Variants in USP9X observed in about 807,000 individuals in gnomAD.
The protein encoded by USP9X is ubiquitin carboxyl-terminal hydrolase 9X.
In USP9X, 7 loss-of-function variants were observed where a neutral mutation model predicts 190.3. That is an observed-to-expected ratio of 0.04 (90% CI 0.02 to 0.07). The LOEUF is 0.07. Among genes scored for constraint, USP9X ranks in the 10% least tolerant of loss-of-function variants. The pLI is 1.00. For missense variants in USP9X, 1,010 were observed against 1,916.9 expected (o/e 0.53, Z 8.83); for synonymous variants, 645 against 659.5 (o/e 0.98, Z 0.34).
In USP9X at chrX:41,234,328, G is replaced by A. The variant is rs2063385789; in HGVS notation, c.*1804G>A. 9.0e-6 allele frequency: 1 copy of A among 111,710 alleles called. No homozygotes were observed. The highest frequency in any genetic ancestry group is 1.9e-5 in the Non-Finnish European group (1 of 53,135). 9.2% of individuals were successfully genotyped at this position (111,710 alleles called of 1,213,427 possible). On this transcript the variant is annotated 3_prime_UTR_variant, in exon 45 of 45. Coordinates refer to ENST00000378308, the MANE Select transcript of USP9X (RefSeq NM_001039591.3). Reference sequence around the variant, plus strand: ...AATTCAGTTAATAGGGAAATGTTTTGTCAAAAGGCTACACTTGGAACTGAA... The same window carrying A: ...AATTCAGTTAATAGGGAAATGTTTTATCAAAAGGCTACACTTGGAACTGAA...
chrX:41,164,578 T>C, intron 15 of USP9X, among the ~76,000 whole-genome samples: 1 of 111,940 alleles, frequency 8.9e-6, no homozygotes, highest in African/African-American at 3.2e-5. Flanking sequence ...GTATGTGAGC[T>C]AATAGCAACT....
chrX:41,131,377 A>C, intron 3 of USP9X, 80 bp from the exon 4 acceptor site: 1 of 690,934 alleles, frequency 1.4e-6, no homozygotes, highest in Non-Finnish European at 2.1e-6. Context: ...ATAGCAAGAT[A>C]ATTATAATTA....
intron 1 of USP9X, among the ~76,000 whole-genome samples, chrX:41,086,805 C>T (rs928763431): frequency 8.9e-6 from 1 of 112,583 alleles, no homozygotes; most frequent in Non-Finnish European, 1.9e-5. Flanking sequence ...GACCTATTAC[C>T]TTTCTATTTT....
intron 14 of USP9X, among the ~76,000 whole-genome samples, chrX:41,159,628 C>T (rs1324253434): frequency 9.0e-6 from 1 of 110,530 alleles, no homozygotes; most frequent in Non-Finnish European, 1.9e-5. Context: ...GTCCTGGGTT[C>T]AAGTGATTAT....
rs200304284 is a variant in USP9X, at chrX:41,172,067, T to G, written c.3148+109T>G. The G allele has an allele frequency of 2.3e-4, 212 of 913,052 alleles. 1 individual carries two copies. The highest frequency in any genetic ancestry group is 1.8e-4 in the Non-Finnish European group (119 of 676,795). The allele number at this position is 913,052 out of a possible 1,213,427, so 75.2% of individuals were successfully genotyped here. Reference sequence around the variant, plus strand: ...TTTTTGGTATAGACTATAACAAGAGTTGACAGATGACAGCCCACAAGCCAC... The same window carrying G: ...TTTTTGGTATAGACTATAACAAGAGGTGACAGATGACAGCCCACAAGCCAC... On this transcript the variant is annotated intron_variant, in intron 21 of 44. Coordinates refer to ENST00000378308, the MANE Select transcript of USP9X (RefSeq NM_001039591.3).
At position 41,230,481 on chromosome X, in the gene USP9X, C is replaced by G. The variant is rs756131868; in HGVS notation, c.7432-20C>G. 1.7e-6 allele frequency: 2 copies of G among 1,185,534 alleles called. No homozygotes were observed. Among genetic ancestry groups the G allele is most frequent in the African/African-American group, 3.6e-5 (2 of 56,263 alleles). ...TGAGTTTGCCTACGTAATTTTTTATCTTGAAATATTCAAAATTAGGAGCCA... is the reference window on the plus strand; with the variant it reads ...TGAGTTTGCCTACGTAATTTTTTATGTTGAAATATTCAAAATTAGGAGCCA... On this transcript the variant is annotated intron_variant, in intron 43 of 44. Coordinates refer to ENST00000378308, the MANE Select transcript of USP9X (RefSeq NM_001039591.3).
chrX:41,180,360 C>T (rs2062815188), intron 21 of USP9X, among the ~76,000 whole-genome samples: 1 of 112,775 alleles, frequency 8.9e-6, no homozygotes, highest in Admixed American at 9.3e-5. Context: ...CCACTGAATC[C>T]TTGATCTTGT....
rs779057622 is a variant in USP9X, at chrX:41,119,649, T to C, written c.-158-3822T>C. 2.7e-5 allele frequency among the ~76,000 whole-genome samples: 3 copies of C among 112,058 alleles called. No homozygotes were observed. In the East Asian group the frequency reaches 8.4e-4, roughly 31 times the overall value. On this transcript the variant is annotated intron_variant, in intron 1 of 44. Transcript: ENST00000378308. ...ATAAAGTTGAATTGGTTAGCTAATA[T>C]TTTGAGTGCCAAGAAAATAATTATT...
chrX:41,114,449 A>G (rs745481076), intron 1 of USP9X, among the ~76,000 whole-genome samples: 2 of 104,317 alleles, frequency 1.9e-5, no homozygotes, highest in South Asian at 8.3e-4. Flanking sequence ...CTATAAATAC[A>G]TTTTCTGATT....
intron 11 of USP9X, 38 bp from the exon 12 acceptor site, chrX:41,148,331 A>T: frequency 8.4e-7 from 1 of 1,193,488 alleles, no homozygotes. Flanking sequence ...GTGGTGACTA[A>T]ATATGTGTTG....
intron 1 of USP9X, among the ~76,000 whole-genome samples, chrX:41,093,580 T>G (rs1483476060): frequency 1.8e-5 from 2 of 111,265 alleles, no homozygotes; most frequent in Non-Finnish European, 3.8e-5. Flanking sequence ...CGACCTCAGG[T>G]GATCCGCCTG....
In USP9X at chrX:41,189,306, C is replaced by T. The variant is rs1191636091; in HGVS notation, c.3811-3C>T. 3.3e-6 allele frequency: 4 copies of T among 1,197,616 alleles called. No homozygotes were observed. Among genetic ancestry groups the T allele is most frequent in the Non-Finnish European group, 4.5e-6 (4 of 889,323 alleles). On this transcript the variant is annotated splice_polypyrimidine_tract_variant and splice_region_variant and intron_variant, in intron 25 of 44. Transcript: ENST00000378308. ...TAATTTGTTCTTGATTGTAATTTTA[C>T]AGACCAATGCAGGCAATGAGCCAGA... is the stretch of plus-strand genomic sequence containing the variant.
intron 26 of USP9X, among the ~76,000 whole-genome samples, chrX:41,195,356 C>T (rs1010957675): frequency 1.8e-5 from 2 of 111,344 alleles, no homozygotes; most frequent in African/African-American, 6.5e-5. Context: ...ATGTTTAGTG[C>T]ACATCAGATT....
intron 14 of USP9X, among the ~76,000 whole-genome samples, chrX:41,162,136 A>G (rs1329784466): frequency 1.8e-5 from 2 of 112,170 alleles, no homozygotes; most frequent in African/African-American, 6.5e-5. Flanking sequence ...GAGAAGAAAC[A>G]TCAATGTTTT....
intron 13 of USP9X, among the ~76,000 whole-genome samples, chrX:41,152,098 G>A (rs2062533049): frequency 8.9e-6 from 1 of 112,302 alleles, no homozygotes; most frequent in African/African-American, 3.2e-5. Context: ...AATAGAAAAG[G>A]TCATGTATAT....
At chrX:41,221,789 C>T (rs2063266005) in intron 38 of USP9X, among the ~76,000 whole-genome samples, 1 of 110,869 alleles carries the variant, frequency 9.0e-6, no homozygotes, top group African/African-American at 3.3e-5. Flanking sequence ...GAGTAAGATC[C>T]CAGAGAGTGT....
intron 1 of USP9X, among the ~76,000 whole-genome samples, chrX:41,102,509 G>A (rs1453904154): frequency 9.0e-6 from 1 of 111,416 alleles, no homozygotes; most frequent in Non-Finnish European, 1.9e-5. Flanking sequence ...TGTAATCCCA[G>A]CAACTTGAGA....
intron 21 of USP9X, among the ~76,000 whole-genome samples, chrX:41,181,754 C>G (rs1408908846): frequency 9.1e-6 from 1 of 110,270 alleles, no homozygotes; most frequent in Non-Finnish European, 1.9e-5. Context: ...CGGCCCACAC[C>G]TGGCTTATTT....
chrX:41,166,894 A>G (rs1282566156), intron 16 of USP9X, among the ~76,000 whole-genome samples: 2 of 112,064 alleles, frequency 1.8e-5, no homozygotes, highest in Non-Finnish European at 3.8e-5. Flanking sequence ...CTTAAAACTC[A>G]AAATTTGCAC....
Sources: allele counts gnomAD v4.1 joint callset (sites outside exome capture counted in the v4.1 genomes callset), GRCh38; gene constraint gnomAD v4.1.1; transcripts MANE v1.5; gene names NCBI Gene and HGNC (gene_info 2026-07-23, HGNC 2026-07-21).